Variants in NCOA1 observed in about 807,000 individuals in gnomAD.
NCOA1 encodes the protein Hin-2 protein.
Under a neutral mutation model 150.9 loss-of-function variants are expected in NCOA1, and 35 were observed. That is an observed-to-expected ratio of 0.23 (90% CI 0.18 to 0.31). The LOEUF (loss-of-function observed/expected upper bound fraction) is 0.31. NCOA1 is among the 10% of genes least tolerant of loss of function. NCOA1 has a pLI of 1.00. For missense variants in NCOA1, 1,491 were observed against 1,749.3 expected (o/e 0.85, Z 2.63); for synonymous variants, 590 against 630.0 (o/e 0.94, Z 0.95).
chr2:24,760,905 T>C (rs1664757049), intron 21 of NCOA1, among the ~76,000 whole-genome samples: 1 of 152,048 alleles, frequency 6.6e-6, no homozygotes, highest in Admixed American at 6.6e-5. Context: ...TGGAGTGTAA[T>C]GGCGCAGTCT....
At chr2:24,508,827 G>A (rs1374664302) in intron 1 of NCOA1, among the ~76,000 whole-genome samples, 1 of 152,164 alleles carries the variant, frequency 6.6e-6, no homozygotes, top group Non-Finnish European at 1.5e-5. Context: ...AGATAGTATT[G>A]TGAGACACAC....
At position 24,768,309 on chromosome 2, in the gene NCOA1, T is replaced by A; in HGVS notation, c.4244T>A (p.Leu1415Gln). ...CCTTACCTGAACCAGCCTGGTCCACTGGGAACTCAAAAGCCCACGTCAGGA... is the reference window on the plus strand; with the variant it reads ...CCTTACCTGAACCAGCCTGGTCCACAGGGAACTCAAAAGCCCACGTCAGGA... ...GDPYLNQPGP[L>Q]GTQKPTSGPQ... Residue 1415 changes from leucine (L) to glutamine (Q), a missense_variant, in exon 23 of 23, where the codon CTG becomes CAG. Leu to Gln is a moderately radical substitution (Grantham distance 113, BLOSUM62 -2). This residue lies in a region of NCOA1 where 46 missense variants were observed against 78.8 expected (regional missense o/e 0.58). Coordinates refer to ENST00000348332, the MANE Select transcript of NCOA1 (RefSeq NM_003743.5). 6.2e-7 allele frequency: 1 copy of A among 1,613,942 alleles called. No homozygotes were observed. The highest frequency in any genetic ancestry group is 8.5e-7 in the Non-Finnish European group (1 of 1,179,978).
At chr2:24,703,658 G>T (rs1346265700) in intron 11 of NCOA1, among the ~76,000 whole-genome samples, 2 of 152,130 alleles carry the variant, frequency 1.3e-5, no homozygotes, top group East Asian at 1.9e-4. Context: ...TCTGGTTTTG[G>T]TACTTAAGCA....
chr2:24,706,800 T>G lies in NCOA1; in HGVS notation c.1330T>G (p.Ser444Ala). 1 of 1,614,170 alleles carries G rather than the reference T, an allele frequency of 6.2e-7. No homozygotes were observed. The highest frequency in any genetic ancestry group is 1.1e-5 in the South Asian group (1 of 91,080). The change falls in exon 13 of 23, where the codon TCA becomes GCA. Residue 444 changes from serine (S) to alanine (A), a missense_variant. Around this residue, in one of 8 missense-constraint regions of NCOA1, gnomAD observed 703 missense variants for 717.7 expected, o/e 0.98. Coordinates refer to ENST00000348332, the MANE Select transcript of NCOA1 (RefSeq NM_003743.5). ...CAACAGCCAAGGAAGTTTCGGATGC[T>G]CACCCGGAAGTCAGATTGTAGCCAA... The part of the protein sequence containing the change: ...SSNSQGSFGC[S>A]PGSQIVANVA...
At chr2:24,646,535 T>C (rs1670482017) in intron 4 of NCOA1, among the ~76,000 whole-genome samples, 1 of 152,096 alleles carries the variant, frequency 6.6e-6, no homozygotes, top group Non-Finnish European at 1.5e-5. Flanking sequence ...TTATTAGCTT[T>C]TCTTTGTTTT....
At position 24,742,032 on chromosome 2, in the gene NCOA1, C is replaced by T. The variant is rs768666016; in HGVS notation, c.3552C>T (p.Thr1184=). Residue 1184 remains threonine (T), a synonymous_variant, in exon 19 of 23, where the codon ACC becomes ACT. Coordinates refer to ENST00000348332, the MANE Select transcript of NCOA1 (RefSeq NM_003743.5). ...GTNPGTPPAS[T]SPFSQLAANP... Reference sequence around the variant, plus strand: ...ATCCAGGAACCCCACCTGCTTCTACCAGCCCGTTTTCACAACTAGCAGCAA... The same window carrying T: ...ATCCAGGAACCCCACCTGCTTCTACTAGCCCGTTTTCACAACTAGCAGCAA... 5.0e-6 allele frequency: 8 copies of T among 1,614,096 alleles called. No individual in the cohort carries two copies. The highest frequency in any genetic ancestry group is 6.8e-6 in the Non-Finnish European group (8 of 1,180,050).
intron 1 of NCOA1, among the ~76,000 whole-genome samples, chr2:24,505,521 C>T (rs1353147623): frequency 6.6e-6 from 1 of 152,128 alleles, no homozygotes; most frequent in Admixed American, 6.5e-5. Flanking sequence ...ATATAAAATA[C>T]ATGATGACAT....
intron 3 of NCOA1, among the ~76,000 whole-genome samples, chr2:24,630,148 A>G (rs899752373): frequency 6.6e-6 from 1 of 152,126 alleles, no homozygotes; most frequent in African/African-American, 2.4e-5. Flanking sequence ...CCCGGCCGTA[A>G]CTTATTAATG....
At chr2:24,565,938 C>G (rs573701233) in intron 2 of NCOA1, among the ~76,000 whole-genome samples, 1 of 152,308 alleles carries the variant, frequency 6.6e-6, no homozygotes, top group East Asian at 1.9e-4. Flanking sequence ...AACTGCAGAG[C>G]TCCAAAGAGG....
intron 1 of NCOA1, among the ~76,000 whole-genome samples, chr2:24,535,722 T>C (rs1665103588): frequency 6.6e-6 from 1 of 152,230 alleles, no homozygotes; most frequent in Admixed American, 6.5e-5. Context: ...TTAGTTTGGC[T>C]GGATATGAAA....
intron 1 of NCOA1, among the ~76,000 whole-genome samples, chr2:24,522,164 A>G (rs1475951908): frequency 6.6e-6 from 1 of 152,182 alleles, no homozygotes; most frequent in African/African-American, 2.4e-5. Context: ...CTTTTGTAGC[A>G]TGGACTGACT....
intron 3 of NCOA1, among the ~76,000 whole-genome samples, chr2:24,601,356 A>G (rs1668105723): frequency 6.6e-6 from 1 of 151,956 alleles, no homozygotes; most frequent in South Asian, 2.1e-4. Context: ...GGCACTACAA[A>G]TATGTACCAC....
At chr2:24,727,138 CAAAAAAAAA>C (rs755486331) in intron 15 of NCOA1, among the ~76,000 whole-genome samples, 6 of 43,262 alleles carry the variant, frequency 1.4e-4, no homozygotes, top group Non-Finnish European at 2.8e-4. Flanking sequence ...AACTCTGTCT[CAAAAAAAAA>C]AAAAAAAAAA....
At chr2:24,532,807 T>A (rs1664953324) in intron 1 of NCOA1, among the ~76,000 whole-genome samples, 1 of 152,186 alleles carries the variant, frequency 6.6e-6, no homozygotes, top group Non-Finnish European at 1.5e-5. Flanking sequence ...GTTCCATTGG[T>A]CTGTATATCT....
chr2:24,735,397 G>A (rs1663245969), intron 17 of NCOA1, among the ~76,000 whole-genome samples: 1 of 152,162 alleles, frequency 6.6e-6, no homozygotes, highest in African/African-American at 2.4e-5. Flanking sequence ...GAGACTGTAA[G>A]CATCTCATAG....
chr2:24,590,006 A>G (rs1385766588), intron 3 of NCOA1, among the ~76,000 whole-genome samples: 3 of 152,168 alleles, frequency 2.0e-5, no homozygotes, highest in Non-Finnish European at 4.4e-5. Flanking sequence ...CAGAAGGGAT[A>G]TCTGCTCTGT....
chr2:24,763,278 G>T (rs1272487755), intron 22 of NCOA1, among the ~76,000 whole-genome samples: 2 of 152,106 alleles, frequency 1.3e-5, no homozygotes, highest in East Asian at 3.9e-4. Flanking sequence ...GGTGGCTCAT[G>T]CCTGTAATCC....
intron 11 of NCOA1, among the ~76,000 whole-genome samples, chr2:24,698,728 A>G (rs1056730795): frequency 6.6e-6 from 1 of 152,202 alleles, no homozygotes; most frequent in Non-Finnish European, 1.5e-5. Context: ...CTGAAAAACA[A>G]TTTAAAAATA....
intron 1 of NCOA1, among the ~76,000 whole-genome samples, chr2:24,541,494 T>C (rs1349321897): frequency 6.6e-6 from 1 of 152,216 alleles, no homozygotes; most frequent in Non-Finnish European, 1.5e-5. Context: ...TACAGACTAC[T>C]GGTATTTGTC....
Sources: allele counts gnomAD v4.1 joint callset (sites outside exome capture counted in the v4.1 genomes callset), GRCh38; gene constraint gnomAD v4.1.1; regional missense constraint gnomAD v4.1.1; transcripts MANE v1.5; gene names NCBI Gene and HGNC (gene_info 2026-07-23, HGNC 2026-07-21).